Variants in KCNJ6 observed in about 807,000 individuals in gnomAD.
KCNJ6 encodes potassium inwardly rectifying channel subfamily J member 6.
KCNJ6 carries 9 observed loss-of-function variants against 34.2 expected under a neutral mutation model. That is an observed-to-expected ratio of 0.26 (90% CI 0.16 to 0.46). The LOEUF (loss-of-function observed/expected upper bound fraction) is 0.46. KCNJ6 is among the 20% of genes least tolerant of loss of function. The pLI is 1.00. For missense variants in KCNJ6, 236 were observed against 531.3 expected, an observed-to-expected ratio of 0.44 and a Z score of 5.46; for synonymous variants, 196 against 207.1, an observed-to-expected ratio of 0.95 and a Z score of 0.46.
intron 1 of KCNJ6, among the ~76,000 whole-genome samples, chr21:37,870,909 T>A (rs1312601645): frequency 2.6e-5 from 4 of 152,236 alleles, no homozygotes; most frequent in Non-Finnish European, 4.4e-5. Flanking sequence ...TGGTGTGATC[T>A]GGGAAATTCT....
chr21:37,736,277 A>G, intron 2 of KCNJ6, among the ~76,000 whole-genome samples: 1 of 147,004 alleles, frequency 6.8e-6, no homozygotes, highest in Non-Finnish European at 1.5e-5. Context: ...AACTGGTCTG[A>G]GTCTGGGGGT....
intron 2 of KCNJ6, among the ~76,000 whole-genome samples, chr21:37,754,422 T>C (rs896535824): frequency 6.6e-6 from 1 of 152,256 alleles, no homozygotes; most frequent in Non-Finnish European, 1.5e-5. Context: ...TTGGATATGA[T>C]AGCTTGAAGC....
intron 3 of KCNJ6, among the ~76,000 whole-genome samples, chr21:37,639,477 G>T (rs2054372000): frequency 6.6e-6 from 1 of 152,112 alleles, no homozygotes; most frequent in South Asian, 2.1e-4. Context: ...TGCATAAACA[G>T]TTAGGTTCCT....
intron 2 of KCNJ6, among the ~76,000 whole-genome samples, chr21:37,818,016 C>T (rs2055354834): frequency 6.6e-6 from 1 of 152,206 alleles, no homozygotes; most frequent in South Asian, 2.1e-4. Flanking sequence ...CCAGAATGCA[C>T]ATGAAGATGG....
intron 1 of KCNJ6, among the ~76,000 whole-genome samples, chr21:37,900,259 T>C (rs1237051269): frequency 6.6e-6 from 1 of 152,198 alleles, no homozygotes; most frequent in Non-Finnish European, 1.5e-5. Context: ...CAGCACTGTT[T>C]ACAACAACAA....
chr21:37,723,159 C>A (rs184166350), intron 2 of KCNJ6, among the ~76,000 whole-genome samples: 2 of 152,050 alleles, frequency 1.3e-5, no homozygotes, highest in African/African-American at 4.8e-5. Context: ...AAGTGGTCAA[C>A]AAACATATGA....
intron 1 of KCNJ6, among the ~76,000 whole-genome samples, chr21:37,901,068 T>G (rs2055814782): frequency 6.6e-6 from 1 of 151,948 alleles, no homozygotes; most frequent in East Asian, 1.9e-4. Context: ...TATCTGAATG[T>G]TCACATTTTT....
At chr21:37,869,770 T>C (rs1054122252) in intron 1 of KCNJ6, among the ~76,000 whole-genome samples, 2 of 152,234 alleles carry the variant, frequency 1.3e-5, no homozygotes, top group Admixed American at 1.3e-4. Flanking sequence ...TAGGCTCCTT[T>C]AAGAGGCCAG....
intron 1 of KCNJ6, among the ~76,000 whole-genome samples, chr21:37,898,078 G>A (rs561843555): frequency 2.0e-5 from 3 of 152,278 alleles, no homozygotes; most frequent in African/African-American, 7.2e-5. Context: ...AAACCATCTG[G>A]GAGGCTCGAT....
rs1437035401 is a variant in KCNJ6, at chr21:37,898,353, G to T, written c.-28+17531C>A. Among the ~76,000 whole-genome samples, 4 of 152,296 alleles carry T rather than the reference G, an allele frequency of 2.6e-5. No individual in the cohort carries two copies. In the East Asian group the frequency reaches 7.7e-4, roughly 29 times the overall value. On this transcript the variant is annotated intron_variant, in intron 1 of 3. Coordinates refer to ENST00000609713, the MANE Select transcript of KCNJ6 (RefSeq NM_002240.5). ...AAAAATGCCAGTATTGGGAGGCCAA[G>T]GTGGCTAGATCACGAGGTCAGGAGA...
intron 2 of KCNJ6, among the ~76,000 whole-genome samples, chr21:37,720,727 G>T (rs1339205081): frequency 6.9e-6 from 1 of 145,660 alleles, no homozygotes; most frequent in African/African-American, 2.5e-5. Context: ...TTGAGACGGA[G>T]TCTCGCTCTG....
chr21:37,613,924 G>A lies in KCNJ6; in HGVS notation c.*11235C>T. ...ACTCTGGGGTGATAGTAATGTCTCA[G>A]TGTAGACTCATCCATTTCCACAGAT... On this transcript the variant is annotated 3_prime_UTR_variant, in exon 4 of 4. Transcript: ENST00000609713. The A allele has an allele frequency of 6.6e-6, 1 of 151,638 alleles. No homozygotes were observed. Among genetic ancestry groups the A allele is most frequent in the East Asian group, 1.9e-4 (1 of 5,180 alleles). The allele number at this position is 151,638 out of a possible 1,614,324, so 9.4% of individuals were successfully genotyped here.
At chr21:37,853,132 A>G (rs983399863) in intron 1 of KCNJ6, among the ~76,000 whole-genome samples, 2 of 150,276 alleles carry the variant, frequency 1.3e-5, no homozygotes, top group Non-Finnish European at 3.0e-5. Flanking sequence ...TAATGGCTGC[A>G]ATTTTTTCAA....
intron 2 of KCNJ6, among the ~76,000 whole-genome samples, chr21:37,744,852 T>C (rs1217296712): frequency 6.6e-6 from 1 of 152,094 alleles, no homozygotes; most frequent in African/African-American, 2.4e-5. Flanking sequence ...ATATGGCATA[T>C]AGTAGGCAGA....
intron 1 of KCNJ6, among the ~76,000 whole-genome samples, chr21:37,867,896 A>G (rs1287071715): frequency 6.6e-6 from 1 of 152,252 alleles, no homozygotes; most frequent in Non-Finnish European, 1.5e-5. Flanking sequence ...CAGTCTCTGA[A>G]GAGCCAGGTG....
In KCNJ6 at chr21:37,763,786, C is replaced by T. The variant is rs182793863; in HGVS notation, c.26-48655G>A. Among the ~76,000 whole-genome samples, 342 of 152,068 alleles carry T rather than the reference C, an allele frequency of 2.2e-3. 2 individuals carry two copies. Among genetic ancestry groups the T allele is most frequent in the African/African-American group, 7.7e-3 (320 of 41,440 alleles). On this transcript the variant is annotated intron_variant, in intron 2 of 3. Transcript: ENST00000609713. ...TGCTGTGTTTGGTTTTCTGTCCTTGCGATAGTTTGCTCAGAATGTGGGGGG... is the reference window on the plus strand; with the variant it reads ...TGCTGTGTTTGGTTTTCTGTCCTTGTGATAGTTTGCTCAGAATGTGGGGGG...
intron 3 of KCNJ6, among the ~76,000 whole-genome samples, chr21:37,664,123 A>G (rs1372214601): frequency 1.3e-5 from 2 of 152,230 alleles, no homozygotes; most frequent in Non-Finnish European, 2.9e-5. Flanking sequence ...TTTATCAGTT[A>G]ATAATCCAAC....
chr21:37,836,000 G>A (rs1042024791), intron 2 of KCNJ6, among the ~76,000 whole-genome samples: 1 of 152,110 alleles, frequency 6.6e-6, no homozygotes, highest in Non-Finnish European at 1.5e-5. Context: ...CTGACAAAGG[G>A]CTAATATCCA....
chr21:37,846,103 A>G (rs1601498699), intron 1 of KCNJ6, among the ~76,000 whole-genome samples: 1 of 152,176 alleles, frequency 6.6e-6, no homozygotes. Flanking sequence ...GGCAATGGGC[A>G]TTTAATTTTC....
Sources: gnomAD v4.1 joint callset for allele counts (sites outside exome capture counted in the v4.1 genomes callset) on GRCh38, gnomAD v4.1.1 for gene constraint, MANE v1.5 for transcripts, NCBI Gene and HGNC (gene_info 2026-07-23, HGNC 2026-07-21) for gene names.